PRICKLE2: variants seen among roughly 807,000 people sequenced by gnomAD.
The protein encoded by PRICKLE2 is prickle-like protein 2.
A neutral mutation model predicts 81.4 loss-of-function variants in PRICKLE2; 21 were observed. The ratio of observed to expected loss-of-function variants is 0.26; its 90% confidence interval spans 0.18 to 0.37. The LOEUF (loss-of-function observed/expected upper bound fraction) is 0.37, where lower values mean the gene tolerates loss of function less well. Ranked by LOEUF, PRICKLE2 falls within the 10% of genes least tolerant of loss-of-function variation. The pLI is 1.00. For synonymous variants in PRICKLE2, 456 were observed against 421.5 expected, an observed-to-expected ratio of 1.08 and a Z score of -1.00; for missense variants, 940 against 1,109.0, an observed-to-expected ratio of 0.85 and a Z score of 2.16.
At chr3:64,232,693 C>T (rs151088040) in intron 2 of PRICKLE2, among the ~76,000 whole-genome samples, 4 of 152,288 alleles carry the variant, frequency 2.6e-5, no homozygotes, top group Admixed American at 1.3e-4. Flanking sequence ...AGGCTGATGA[C>T]TCAAGGCGAG....
chr3:64,231,165 A>T (rs869365), intron 2 of PRICKLE2, among the ~76,000 whole-genome samples: 2 of 152,200 alleles, frequency 1.3e-5, no homozygotes, highest in Admixed American at 6.5e-5. Flanking sequence ...AAATTTTAAC[A>T]CAGCCTTTTA....
Position 64,198,798 on chromosome 3 carries a change from G to T in PRICKLE2, c.130C>A (p.Leu44Met). ...LEEYAWVPPG[L>M]KPEQVHQYYS... The stretch of plus-strand genomic sequence containing the variant: ...CAGAATGGTACCTGTTCAGGCTTCA[G>T]ACCCGGCGGGACCCAGGCATACTCT... The change falls in exon 2 of 8, where the codon CTG (leucine) becomes ATG (methionine). Residue 44 changes from leucine to methionine, a missense_variant. Physicochemically the swap from Leu to Met is conservative, Grantham distance 15 (BLOSUM62 2). Transcript: ENST00000638394. 1 of 1,614,114 alleles carries T rather than the reference G, an allele frequency of 6.2e-7. No homozygotes were observed. The highest frequency in any genetic ancestry group is 8.5e-7 in the Non-Finnish European group (1 of 1,180,028).
chr3:64,221,094 T>TCACCTCACCC (rs1553656494), intron 1 of PRICKLE2, among the ~76,000 whole-genome samples: 1 of 151,954 alleles, frequency 6.6e-6, no homozygotes, highest in East Asian at 1.9e-4. Flanking sequence ...AGTTGCAACT[T>TCACCTCACCC]CACCCAAAGG....
intron 1 of PRICKLE2, among the ~76,000 whole-genome samples, chr3:64,215,576 C>T (rs1419659599): frequency 2.0e-5 from 3 of 152,154 alleles, no homozygotes; most frequent in African/African-American, 4.8e-5. Context: ...CAAGATATGA[C>T]CAAAGCGTAA....
At chr3:64,184,229 G>A (rs761086436) in intron 2 of PRICKLE2, among the ~76,000 whole-genome samples, 2 of 152,202 alleles carry the variant, frequency 1.3e-5, no homozygotes, top group Non-Finnish European at 2.9e-5. Flanking sequence ...TACTGATTAA[G>A]TGCTCTATAA....
chr3:64,260,755 G>A (rs1192828248), intron 2 of PRICKLE2, among the ~76,000 whole-genome samples: 2 of 152,196 alleles, frequency 1.3e-5, no homozygotes, highest in Non-Finnish European at 2.9e-5. Flanking sequence ...TCAGTGAGAG[G>A]TTGTGGCTTT....
At chr3:64,200,158 A>C (rs1228481887) in intron 1 of PRICKLE2, 1 of 152,026 alleles carries the variant, frequency 6.6e-6, no homozygotes, top group Non-Finnish European at 1.5e-5. Flanking sequence ...AACAACCACT[A>C]ATCTATTTTC....
intron 6 of PRICKLE2, among the ~76,000 whole-genome samples, chr3:64,151,145 T>C (rs879663313): frequency 1.3e-5 from 2 of 152,192 alleles, no homozygotes; most frequent in Non-Finnish European, 2.9e-5. Context: ...TGTATAAATA[T>C]GGAATATTTG....
chr3:64,258,522 T>C (rs2107186817), intron 2 of PRICKLE2, among the ~76,000 whole-genome samples: 1 of 152,196 alleles, frequency 6.6e-6, no homozygotes, highest in East Asian at 1.9e-4. Flanking sequence ...ATACAATCTA[T>C]GATGTTAGAA....
chr3:64,168,999 T>A (rs1037151625), intron 2 of PRICKLE2, among the ~76,000 whole-genome samples: 2 of 152,098 alleles, frequency 1.3e-5, no homozygotes, highest in African/African-American at 4.8e-5. Flanking sequence ...TTTTTTTTCT[T>A]CCTTAACAAT....
intron 7 of PRICKLE2, chr3:64,101,985 G>C (rs922073152): frequency 6.6e-6 from 1 of 152,180 alleles, no homozygotes; most frequent in Admixed American, 6.5e-5. Flanking sequence ...CTCCAGTTGA[G>C]ATGTACTCAG....
At chr3:64,181,895 A>G (rs546093125) in intron 2 of PRICKLE2, among the ~76,000 whole-genome samples, 4 of 152,328 alleles carry the variant, frequency 2.6e-5, no homozygotes, top group Admixed American at 2.6e-4. Context: ...GGGAAGAAAA[A>G]TCTTTCATGG....
chr3:64,120,966 A>G (rs1396231121), intron 7 of PRICKLE2, among the ~76,000 whole-genome samples: 1 of 152,150 alleles, frequency 6.6e-6, no homozygotes, highest in African/African-American at 2.4e-5. Flanking sequence ...TGGAAAGCAT[A>G]AAGACCTTGA....
intron 7 of PRICKLE2, among the ~76,000 whole-genome samples, chr3:64,144,128 C>A (rs1450083891): frequency 6.6e-6 from 1 of 152,154 alleles, no homozygotes; most frequent in Non-Finnish European, 1.5e-5. Context: ...AAATAGATTT[C>A]ATATTTTTAA....
rs141791087 is a variant in PRICKLE2, at chr3:64,099,611, C to T, written c.1975G>A (p.Gly659Ser). The T allele has an allele frequency of 3.1e-6, 5 of 1,613,842 alleles. No homozygotes were observed. The African/African-American group carries it at 6.7e-5, about 22-fold the overall frequency. The change falls in exon 8 of 8, where the codon GGC (glycine) becomes AGC (serine). Residue 659 changes from glycine (G) to serine (S), a missense_variant. By Grantham distance (56) the Gly-to-Ser change is moderately conservative. Transcript: ENST00000638394. This position sits in a 1 kb window ranked among gnomAD's most constrained non-coding sequence, Gnocchi z 4.3. ...MAGSKLPGQEGVRIQPMSERT... is the reference protein window; with the variant it reads ...MAGSKLPGQESVRIQPMSERT... ...TCACTCATGGGCTGGATCCTCACGC[C>T]CTCCTGCCCTGGCAGCTTGCTGCCC... is the stretch of plus-strand genomic sequence containing the variant.
At position 64,147,259 on chromosome 3, in the gene PRICKLE2, G is replaced by C; in HGVS notation, c.1231C>G (p.Gln411Glu). The C allele has an allele frequency of 6.2e-7, 1 of 1,610,660 alleles. No individual in the cohort carries two copies. The highest frequency in any genetic ancestry group is 2.2e-5 in the East Asian group (1 of 44,802). ...YHYGNKMEQN[Q>E]TQSPLQLLSQ... ...AGGAGCTGCAGAGGGCTCTGGGTCT[G>C]GTTCTGCTCCATCTTGTTCCCATAA... Residue 411 changes from glutamine to glutamate, a missense_variant, in exon 7 of 8, where the codon CAG (glutamine) becomes GAG (glutamate). Physicochemically the swap from Gln to Glu is conservative, Grantham distance 29. Coordinates refer to ENST00000638394, the MANE Select transcript of PRICKLE2 (RefSeq NM_198859.4). This position sits in a 1 kb window ranked among gnomAD's most constrained non-coding sequence, Gnocchi z 5.0.
At chr3:64,149,310 C>G (rs1318524716) in intron 6 of PRICKLE2, among the ~76,000 whole-genome samples, 1 of 152,234 alleles carries the variant, frequency 6.6e-6, no homozygotes, top group Non-Finnish European at 1.5e-5. Context: ...AATCTGCTCT[C>G]CTGGCACCCA....
At chr3:64,259,125 T>C (rs2079579957) in intron 2 of PRICKLE2, among the ~76,000 whole-genome samples, 1 of 152,314 alleles carries the variant, frequency 6.6e-6, no homozygotes, top group East Asian at 1.9e-4. Flanking sequence ...ACCCACAGTA[T>C]GCTAATTTTG....
At chr3:64,160,942 A>G (rs1338728887) in intron 3 of PRICKLE2, among the ~76,000 whole-genome samples, 3 of 128,112 alleles carry the variant, frequency 2.3e-5, no homozygotes, top group Non-Finnish European at 5.1e-5. Context: ...TATCACCCGT[A>G]AAAACAAAAA....
Sources: gnomAD v4.1 joint callset for allele counts (sites outside exome capture counted in the v4.1 genomes callset) on GRCh38, gnomAD v4.1.1 for gene constraint, Gnocchi (gnomAD v3.1) non-coding constraint, MANE v1.5 for transcripts, NCBI Gene and HGNC (gene_info 2026-07-23, HGNC 2026-07-21) for gene names.